The following EBF1 variants were observed in gnomAD, a reference collection of about 807,000 sequenced individuals.
The protein encoded by EBF1 is EBF transcription factor 1.
Under a neutral mutation model 68.4 loss-of-function variants are expected in EBF1, and 10 were observed. The observed-to-expected ratio is 0.15, with a 90% CI of 0.09 to 0.25. The LOEUF is 0.25. Ranked by LOEUF, EBF1 falls within the 10% of genes least tolerant of loss-of-function variation. The probability of loss-of-function intolerance (pLI) is 1.00; values close to 1 mark genes in which losing one functional copy is unlikely to be tolerated. For synonymous variants in EBF1, 298 were observed against 299.8 expected (o/e 0.99, Z 0.06); for missense variants, 509 against 794.4 (o/e 0.64, Z 4.32).
At chr5:159,067,747 A>G (rs933681722) in intron 6 of EBF1, among the ~76,000 whole-genome samples, 3 of 152,218 alleles carry the variant, frequency 2.0e-5, no homozygotes, top group Non-Finnish European at 4.4e-5. Flanking sequence ...CATCGCTAAT[A>G]ATCACATATG....
intron 10 of EBF1, among the ~76,000 whole-genome samples, chr5:158,737,513 T>C (rs1029773013): frequency 6.6e-6 from 1 of 151,974 alleles, no homozygotes; most frequent in African/African-American, 2.4e-5. Flanking sequence ...CTCGATCTCC[T>C]GACCTCGTGA....
chr5:158,999,174 G>A (rs553391862), intron 6 of EBF1, among the ~76,000 whole-genome samples: 3 of 152,272 alleles, frequency 2.0e-5, no homozygotes, highest in African/African-American at 7.2e-5. Flanking sequence ...ATGAAGCTAT[G>A]CTGCAGCCTG....
chr5:158,729,297 C>CT (rs1248999158), intron 11 of EBF1, among the ~76,000 whole-genome samples: 2 of 152,216 alleles, frequency 1.3e-5, no homozygotes, highest in Admixed American at 1.3e-4. Flanking sequence ...CAACCTGACT[C>CT]TCCTCAATAC....
At chr5:158,756,880 C>T (rs1176336893) in intron 10 of EBF1, among the ~76,000 whole-genome samples, 1 of 150,852 alleles carries the variant, frequency 6.6e-6, no homozygotes, top group African/African-American at 2.4e-5. Flanking sequence ...GACACGTGGG[C>T]ACTAATTCCT....
chr5:158,715,167 G>A (rs1398193981), intron 11 of EBF1, among the ~76,000 whole-genome samples: 1 of 152,208 alleles, frequency 6.6e-6, no homozygotes, highest in African/African-American at 2.4e-5. Context: ...TAAGGGTGTG[G>A]TAGGATCATC....
rs755063915 is a variant in EBF1, at chr5:159,084,736, T to C, written c.415A>G (p.Ile139Val). The C allele has an allele frequency of 6.3e-6, 10 of 1,591,636 alleles. No homozygotes were observed. The highest frequency in any genetic ancestry group is 2.3e-5 in the East Asian group (1 of 44,332). ...TTCTTGTCTTGGCCTTCATACACTA[T>C]GGCCTAAAAGCAAAAGCACAGTTTT... is the stretch of plus-strand genomic sequence containing the variant. ...RLIDSMTKQA[I>V]VYEGQDKNPE... The change falls in exon 5 of 16, where the codon ATA becomes GTA. Residue 139 changes from isoleucine to valine, a missense_variant. By Grantham distance (29) the Ile-to-Val change is conservative (BLOSUM62 3). Transcript: ENST00000313708.
chr5:159,029,194 T>C (rs897904216), intron 6 of EBF1, among the ~76,000 whole-genome samples: 2 of 152,098 alleles, frequency 1.3e-5, no homozygotes, highest in African/African-American at 4.8e-5. Flanking sequence ...GAAATACTCA[T>C]GTAAGTAAAG....
At chr5:159,087,468 A>C (rs1441384622) in intron 4 of EBF1, among the ~76,000 whole-genome samples, 1 of 151,146 alleles carries the variant, frequency 6.6e-6, no homozygotes, top group Non-Finnish European at 1.5e-5. Flanking sequence ...ACACACATAT[A>C]TACACACACA....
At chr5:158,789,879 C>A (rs947944298) in intron 9 of EBF1, among the ~76,000 whole-genome samples, 2 of 152,038 alleles carry the variant, frequency 1.3e-5, no homozygotes, top group African/African-American at 2.4e-5. Context: ...TTCCTCTGAG[C>A]TATGTGTACA....
At chr5:158,952,365 G>A (rs1816206717) in intron 6 of EBF1, among the ~76,000 whole-genome samples, 1 of 152,172 alleles carries the variant, frequency 6.6e-6, no homozygotes, top group Non-Finnish European at 1.5e-5. Flanking sequence ...AAGGGTGACT[G>A]AGATGGTGAA....
At chr5:158,732,788 G>A (rs1438038259) in intron 10 of EBF1, among the ~76,000 whole-genome samples, 1 of 152,018 alleles carries the variant, frequency 6.6e-6, no homozygotes, top group Non-Finnish European at 1.5e-5. Flanking sequence ...TCCCCCAAAT[G>A]CAATGCTTAT....
At chr5:158,994,452 A>G (rs1761007504) in intron 6 of EBF1, among the ~76,000 whole-genome samples, 1 of 152,220 alleles carries the variant, frequency 6.6e-6, no homozygotes, top group Non-Finnish European at 1.5e-5. Flanking sequence ...TGTTAAAGGG[A>G]GCTGTGAAAA....
At chr5:158,800,977 C>A (rs1174738068) in intron 8 of EBF1, among the ~76,000 whole-genome samples, 1 of 152,136 alleles carries the variant, frequency 6.6e-6, no homozygotes, top group African/African-American at 2.4e-5. Context: ...AATTTTCACA[C>A]TCATAAGTAT....
At chr5:159,063,790 G>A (rs532901385) in intron 6 of EBF1, among the ~76,000 whole-genome samples, 1 of 152,306 alleles carries the variant, frequency 6.6e-6, no homozygotes, top group East Asian at 1.9e-4. Flanking sequence ...TGGAATATAC[G>A]ATGCTCAAAT....
chr5:158,880,264 C>T lies in EBF1; in HGVS notation c.555-40154G>A, dbSNP rs565211364. On this transcript the variant is annotated intron_variant, in intron 6 of 15. Coordinates refer to ENST00000313708, the MANE Select transcript of EBF1 (RefSeq NM_024007.5). ...ACTCCATCATGCTTCCTCCACCATC[C>T]GTGACTTGCTCACAAGGGTTATAAA... Among the ~76,000 whole-genome samples, 576 of 152,238 alleles carry T rather than the reference C, an allele frequency of 3.8e-3. 2 individuals are homozygous for T. Among genetic ancestry groups the T allele is most frequent in the Non-Finnish European group, 7.1e-3 (482 of 68,022 alleles).
At position 159,039,041 on chromosome 5, in the gene EBF1, C is replaced by T. The variant is rs572023207; in HGVS notation, c.554+34355G>A. ...TTGGAATTTAACAGCCAAAAGAGTC[C>T]TTTTTCCTCTGAAGGAATAAAAAAG... On this transcript the variant is annotated intron_variant, in intron 6 of 15. Transcript: ENST00000313708. 3.0e-4 allele frequency among the ~76,000 whole-genome samples: 45 copies of T among 152,248 alleles called. No homozygotes were observed. The East Asian group carries it at 8.7e-3, about 29-fold the overall frequency.
intron 10 of EBF1, among the ~76,000 whole-genome samples, chr5:158,754,746 G>A (rs935263920): frequency 6.6e-6 from 1 of 151,976 alleles, no homozygotes; most frequent in Admixed American, 6.6e-5. Flanking sequence ...ACACCATCCT[G>A]ACCTGACAAA....
At position 158,696,639 on chromosome 5, in the gene EBF1, TATTATTATTAGTCATC is replaced by T. The variant is rs1390123771; in HGVS notation, c.*2456_*2471del. ...CTTGCTTACATTTTCCAGTTTTTTT[TATTATTATTAGTCATC>T]ATTATTATTTCTCACCATGAAAAAC... On this transcript the variant is annotated 3_prime_UTR_variant, in exon 16 of 16. Transcript: ENST00000313708. The T allele has an allele frequency of 9.3e-6, 2 of 213,966 alleles. No individual in the cohort carries two copies. The highest frequency in any genetic ancestry group is 1.9e-5 in the Non-Finnish European group (2 of 105,888). 13.3% of individuals were successfully genotyped at this position (213,966 alleles called of 1,614,324 possible).
intron 6 of EBF1, among the ~76,000 whole-genome samples, chr5:158,937,940 A>G (rs1812420624): frequency 6.6e-6 from 1 of 152,174 alleles, no homozygotes; most frequent in Non-Finnish European, 1.5e-5. Flanking sequence ...ATTCACTTCA[A>G]GAGCTCCTCC....
Sources: allele counts gnomAD v4.1 joint callset (sites outside exome capture counted in the v4.1 genomes callset), GRCh38; gene constraint gnomAD v4.1.1; transcripts MANE v1.5; gene names NCBI Gene and HGNC (gene_info 2026-07-23, HGNC 2026-07-21).